Variants in BAZ1A observed in about 807,000 individuals in gnomAD.
BAZ1A encodes the protein bromodomain adjacent to zinc finger domain protein 1A.
Under a neutral mutation model 185.2 loss-of-function variants are expected in BAZ1A, and 50 were observed. The observed-to-expected ratio is 0.27, with a 90% confidence interval of 0.22 to 0.34. The LOEUF (loss-of-function observed/expected upper bound fraction) is 0.34, where lower values mean the gene tolerates loss of function less well. Among genes scored for constraint, BAZ1A ranks in the 10% least tolerant of loss-of-function variants. The probability of loss-of-function intolerance (pLI) is 1.00; values close to 1 mark genes in which losing one functional copy is unlikely to be tolerated. For missense variants in BAZ1A, 1,356 were observed against 1,839.9 expected, an observed-to-expected ratio of 0.74 and a Z score of 4.81; for synonymous variants, 571 against 615.6, an observed-to-expected ratio of 0.93 and a Z score of 1.07.
At chr14:34,781,676 T>C (rs756248481) in intron 16 of BAZ1A, among the ~76,000 whole-genome samples, 3 of 152,200 alleles carry the variant, frequency 2.0e-5, no homozygotes, top group Non-Finnish European at 4.4e-5. Context: ...TTTGTATTTT[T>C]AGTAGAGATG....
At chr14:34,781,576 G>A (rs1245268361) in intron 16 of BAZ1A, among the ~76,000 whole-genome samples, 1 of 151,032 alleles carries the variant, frequency 6.6e-6, no homozygotes, top group African/African-American at 2.4e-5. Context: ...CCAGGCTGGA[G>A]CACAATTTCG....
chr14:34,802,929 A>G lies in BAZ1A; in HGVS notation c.786T>C (p.Asp262=), dbSNP rs762041455. 1 of 1,612,930 alleles carries G rather than the reference A, an allele frequency of 6.2e-7. No individual in the cohort carries two copies. Among genetic ancestry groups the G allele is most frequent in the Non-Finnish European group, 8.5e-7 (1 of 1,178,870 alleles). Reference sequence around the variant, plus strand: ...GACTGAAGATAAATGTGGGTGGATCATCAGGGAAGAAATAAGAAAAATCTT... The same window carrying G: ...GACTGAAGATAAATGTGGGTGGATCGTCAGGGAAGAAATAAGAAAAATCTT... ...AEQDFSYFFP[D]DPPTFIFSPA... The change falls in exon 7 of 27, where the codon GAT becomes GAC. Residue 262 remains aspartate, a synonymous_variant. Coordinates refer to ENST00000360310, the MANE Select transcript of BAZ1A (RefSeq NM_013448.3).
At chr14:34,845,792 C>T (rs569962301) in intron 3 of BAZ1A, among the ~76,000 whole-genome samples, 101 of 145,940 alleles carry the variant, frequency 6.9e-4, no homozygotes, top group African/African-American at 2.3e-3. Flanking sequence ...ACCCAGGAGA[C>T]GGGGGTTGCA....
rs1566547425 is a variant in BAZ1A at position 34,764,832 on chromosome 14, ATCT to A, written c.3648_3650del (p.Glu1216del). On this transcript the variant is annotated inframe_deletion, in exon 23 of 27. Coordinates refer to ENST00000360310, the MANE Select transcript of BAZ1A (RefSeq NM_013448.3). ...CCTCACCTCCCATACTGTCTTCCAC[ATCT>A]TCATCACTTTCCAAGGATGGTCTCT... The A allele has an allele frequency of 8.1e-6, 13 of 1,613,932 alleles. No homozygotes were observed. The highest frequency in any genetic ancestry group is 1.1e-5 in the Non-Finnish European group (13 of 1,180,000).
intron 21 of BAZ1A, chr14:34,768,865 G>A: frequency 1.2e-5 from 3 of 257,398 alleles, no homozygotes; most frequent in South Asian, 3.9e-5. Flanking sequence ...AAAAATAACA[G>A]AATTATCAAT....
intron 3 of BAZ1A, among the ~76,000 whole-genome samples, chr14:34,831,906 G>A (rs976215564): frequency 2.0e-5 from 3 of 152,022 alleles, no homozygotes; most frequent in African/African-American, 7.2e-5. Context: ...AAGGTTATAA[G>A]AGAATACTGG....
chr14:34,783,951 C>G (rs1173336886), intron 14 of BAZ1A, 24 bp from the exon 15 acceptor site: 7 of 1,561,084 alleles, frequency 4.5e-6, no homozygotes, highest in Non-Finnish European at 6.0e-6. Flanking sequence ...GTAAATACTT[C>G]TGTATTATAA....
At chr14:34,814,213 TA>T (rs2041972673) in intron 4 of BAZ1A, among the ~76,000 whole-genome samples, 1 of 151,178 alleles carries the variant, frequency 6.6e-6, no homozygotes, top group African/African-American at 2.4e-5. Context: ...TCAAGTATAT[TA>T]AGTTGTACTT....
In BAZ1A at chr14:34,802,953, T is replaced by C. The variant is rs1174846621; in HGVS notation, c.762A>G (p.Gln254=). 1 of 1,612,234 alleles carries C rather than the reference T, an allele frequency of 6.2e-7. No individual in the cohort carries two copies. The highest frequency in any genetic ancestry group is 8.5e-7 in the Non-Finnish European group (1 of 1,178,404). Residue 254 remains glutamine (Q), a synonymous_variant, in exon 7 of 27, where the codon CAA becomes CAG. Coordinates refer to ENST00000360310, the MANE Select transcript of BAZ1A (RefSeq NM_013448.3). The part of the protein sequence containing the change: ...SSLSTYKIAE[Q]DFSYFFPDDP... The stretch of plus-strand genomic sequence containing the variant: ...CATCAGGGAAGAAATAAGAAAAATC[T>C]TGTTCTGCTATTTTATACGTTGAAA...
chr14:34,800,341 C>T lies in BAZ1A; in HGVS notation c.1011G>A (p.Ala337=), dbSNP rs560689470. The change falls in exon 9 of 27, where the codon GCG becomes GCA. Residue 337 remains alanine (A), a synonymous_variant. Coordinates refer to ENST00000360310, the MANE Select transcript of BAZ1A (RefSeq NM_013448.3). The part of the protein sequence containing the change: ...LKREKADALE[A]KKKEKEDKEK... Reference sequence around the variant, plus strand: ...CTTTATCTTCTTTTTCTTTTTTCTTCGCTTCTAGGGCATCTGCTTTTTCTC... The same window carrying T: ...CTTTATCTTCTTTTTCTTTTTTCTTTGCTTCTAGGGCATCTGCTTTTTCTC... 32 of 1,537,830 alleles carry T rather than the reference C, an allele frequency of 2.1e-5. No individual in the cohort carries two copies. The highest frequency in any genetic ancestry group is 1.2e-4 in the East Asian group (5 of 42,376).
rs757066156 is a variant in BAZ1A at position 34,874,652 on chromosome 14, G to C, written c.-48C>G. On this transcript the variant is annotated 5_prime_UTR_variant, in exon 2 of 27. Transcript: ENST00000360310. The surrounding 1 kb of genome is among the most constrained non-coding windows in gnomAD (Gnocchi z 4.7). The stretch of plus-strand genomic sequence containing the variant: ...CCTGGACCCTCGGCCGCCCGCGCCG[G>C]CCCCGCTTCCCTATCAAAATTGGAG... 6.7e-7 allele frequency: 1 copy of C among 1,495,298 alleles called. No individual in the cohort carries two copies. The highest frequency in any genetic ancestry group is 1.2e-5 in the South Asian group (1 of 85,894). The allele number at this position is 1,495,298 out of a possible 1,614,324, so 92.6% of individuals were successfully genotyped here.
chr14:34,824,407 T>A (rs904830810), intron 4 of BAZ1A, among the ~76,000 whole-genome samples: 441 of 13,748 alleles, frequency 0.032, no homozygotes, highest in Middle Eastern at 0.14. Context: ...AAGCAGCAAC[T>A]CAAAAAAAAA....
intron 6 of BAZ1A, among the ~76,000 whole-genome samples, chr14:34,807,097 C>T (rs759067554): frequency 1.3e-5 from 2 of 148,208 alleles, no homozygotes; most frequent in African/African-American, 2.5e-5. Flanking sequence ...CTAGTAGGCT[C>T]TGTTTAGCAT....
At chr14:34,866,502 A>AAAAAAAAAAAAAAAAAAAAG in intron 2 of BAZ1A, among the ~76,000 whole-genome samples, 80 of 79,536 alleles carry the variant, frequency 1.0e-3, no homozygotes, top group Non-Finnish European at 1.6e-3. Flanking sequence ...AAAAAAAAAA[A>AAAAAAAAAAAAAAAAAAAAG]GAAAAAAGTT....
At chr14:34,863,317 C>T (rs913967144) in intron 2 of BAZ1A, among the ~76,000 whole-genome samples, 2 of 151,784 alleles carry the variant, frequency 1.3e-5, no homozygotes, top group Non-Finnish European at 2.9e-5. Flanking sequence ...GCATGTGCCA[C>T]CACGCCCGGC....
chr14:34,775,030 C>T (rs1372177325), intron 18 of BAZ1A, among the ~76,000 whole-genome samples: 4 of 152,084 alleles, frequency 2.6e-5, no homozygotes, highest in Non-Finnish European at 5.9e-5. Context: ...GCCTGGCCAA[C>T]ATGGTGAAAC....
At chr14:34,858,852 A>C (rs2042725336) in intron 3 of BAZ1A, among the ~76,000 whole-genome samples, 1 of 152,204 alleles carries the variant, frequency 6.6e-6, no homozygotes, top group Admixed American at 6.5e-5. Context: ...GACATGAAGA[A>C]GTAAAAGAAC....
In BAZ1A at chr14:34,765,371, C is replaced by A. The variant is rs924667529; in HGVS notation, c.3302-103G>T. The stretch of plus-strand genomic sequence containing the variant: ...TAAATATAGGTTAGATTTTACATTT[C>A]TTTTCTTCTGATACTTAACAAAAAG... On this transcript the variant is annotated intron_variant, in intron 21 of 26. Coordinates refer to ENST00000360310, the MANE Select transcript of BAZ1A (RefSeq NM_013448.3). 5.1e-6 allele frequency: 7 copies of A among 1,382,698 alleles called. No homozygotes were observed. In the Admixed American group the frequency reaches 9.3e-5, roughly 18 times the overall value. 85.7% of individuals were successfully genotyped at this position (1,382,698 alleles called of 1,614,324 possible).
intron 3 of BAZ1A, among the ~76,000 whole-genome samples, chr14:34,855,917 ATAAG>A (rs749683213): frequency 1.9e-4 from 29 of 152,304 alleles, no homozygotes; most frequent in South Asian, 6.2e-4. Flanking sequence ...AAATAAATAA[ATAAG>A]TAAGTAAAGG....
Sources: gnomAD v4.1 joint callset for allele counts (sites outside exome capture counted in the v4.1 genomes callset) on GRCh38, gnomAD v4.1.1 for gene constraint, Gnocchi (gnomAD v3.1) non-coding constraint, MANE v1.5 for transcripts, NCBI Gene and HGNC (gene_info 2026-07-23, HGNC 2026-07-21) for gene names.